Variants in IRS2 observed in about 807,000 individuals in gnomAD.
IRS2 encodes the protein insulin receptor substrate 2.
A neutral mutation model predicts 70.9 loss-of-function variants in IRS2; 28 were observed. The observed-to-expected ratio is 0.39, with a 90% confidence interval of 0.29 to 0.54. The LOEUF is 0.54. IRS2 is among the 20% of genes least tolerant of loss of function. IRS2 has a pLI of 0.59. For missense variants in IRS2, 2,081 were observed against 2,024.1 expected (o/e 1.03, Z -0.54); for synonymous variants, 1,217 against 981.9 (o/e 1.24, Z -4.48).
rs1877747105 is a variant in IRS2 at position 109,782,672 on chromosome 13, C to A, written c.3382G>T (p.Asp1128Tyr). The change falls in exon 1 of 2, where the codon GAC (aspartate) becomes TAC (tyrosine). Residue 1128 changes from aspartate (D) to tyrosine (Y), a missense_variant. Physicochemically the swap from Asp to Tyr is radical, Grantham distance 160. Around this residue, in one of 4 missense-constraint regions of IRS2, gnomAD observed 1,615 missense variants for 1,459.5 expected, o/e 1.11. Transcript: ENST00000375856. ...ATGACCTTGGCGCCGCGGTGGGGGT[C>A]CGGGGGCTGGCTGGCCTGCAGGAAG... ...EAFLQASQPP[D>Y]PHRGAKVIRA... The A allele has an allele frequency of 6.4e-7, 1 of 1,573,052 alleles. No individual in the cohort carries two copies. Among genetic ancestry groups the A allele is most frequent in the Non-Finnish European group, 8.6e-7 (1 of 1,161,064 alleles).
Position 109,784,764 on chromosome 13 carries a change from G to A in IRS2, c.1290C>T (p.Ser430=), listed in dbSNP as rs1290358781. Residue 430 remains serine (S), a synonymous_variant, in exon 1 of 2, where the codon TCC becomes TCT. Transcript: ENST00000375856. The surrounding 1 kb of genome is among the most constrained non-coding windows in gnomAD (Gnocchi z 5.2). The part of the protein sequence containing the change: ...PAGGALQHSR[S]MSMPVAHSPP... Reference sequence around the variant, plus strand: ...GCGAGTGCGCCACGGGCATGGACATGGAGCGGCTGTGTTGCAGCGCGCCCC... The same window carrying A: ...GCGAGTGCGCCACGGGCATGGACATAGAGCGGCTGTGTTGCAGCGCGCCCC... 8.0e-7 allele frequency: 1 copy of A among 1,248,820 alleles called. No individual in the cohort carries two copies. The highest frequency in any genetic ancestry group is 1.0e-6 in the Non-Finnish European group (1 of 997,832). 77.4% of individuals were successfully genotyped at this position (1,248,820 alleles called of 1,614,324 possible).
At chr13:109,763,969 G>A (rs1329728761) in intron 1 of IRS2, among the ~76,000 whole-genome samples, 1 of 152,110 alleles carries the variant, frequency 6.6e-6, no homozygotes, top group Non-Finnish European at 1.5e-5. Context: ...TAACATCTAT[G>A]TGATATAGGA....
chr13:109,784,858 A>AG lies in IRS2; in HGVS notation c.1195dup (p.Leu399ProfsTer140). 1 of 1,154,514 alleles carries AG rather than the reference A, an allele frequency of 8.7e-7. No individual in the cohort carries two copies. The highest frequency in any genetic ancestry group is 1.1e-6 in the Non-Finnish European group (1 of 932,416). 71.5% of individuals were successfully genotyped at this position (1,154,514 alleles called of 1,614,324 possible). On this transcript the variant is annotated frameshift_variant, in exon 1 of 2. Coordinates refer to ENST00000375856, the MANE Select transcript of IRS2 (RefSeq NM_003749.3). LOFTEE classifies it high-confidence loss of function. The surrounding 1 kb of genome is among the most constrained non-coding windows in gnomAD (Gnocchi z 5.2). ...GCCGCTCAGGGTGTGCGAGCGGCTC[A>AG]GGGGCGCGCGCACCGGCCCGGGGCT... is the stretch of plus-strand genomic sequence containing the variant.
In IRS2 at chr13:109,782,123, G is replaced by A. The variant is rs761038860; in HGVS notation, c.3931C>T (p.Pro1311Ser). Residue 1311 changes from proline to serine, a missense_variant, in exon 1 of 2, where the codon CCC becomes TCC. Physicochemically the swap from Pro to Ser is moderately conservative, Grantham distance 74. Coordinates refer to ENST00000375856, the MANE Select transcript of IRS2 (RefSeq NM_003749.3). ...STGGGCGGPGPGALPPANTYA... is the reference protein window; with the variant it reads ...STGGGCGGPGSGALPPANTYA... ...GTGTTGGCAGGGGGCAGGGCACCGG[G>A]ACCCGGCCCCCCGCACCCGCCGCCG... The A allele has an allele frequency of 6.8e-6, 11 of 1,609,640 alleles. No individual in the cohort carries two copies. Among genetic ancestry groups the A allele is most frequent in the Non-Finnish European group, 8.5e-6 (10 of 1,178,674 alleles).
intron 1 of IRS2, among the ~76,000 whole-genome samples, chr13:109,762,159 G>C (rs1033309881): frequency 1.3e-5 from 2 of 152,136 alleles, no homozygotes; most frequent in Admixed American, 6.5e-5. Flanking sequence ...TCTTTTCTGA[G>C]TGTTATTGTT....
chr13:109,772,987 G>A lies in IRS2; in HGVS notation c.4012+9055C>T, dbSNP rs111838998. On this transcript the variant is annotated intron_variant, in intron 1 of 1. Transcript: ENST00000375856. ...TGGGATTACAGGCGTGAGCCACCGC[G>A]CCCGGCCGCCTATTACATTTTTTAA... 1.2e-4 allele frequency among the ~76,000 whole-genome samples: 18 copies of A among 152,132 alleles called. 1 individual carries two copies. Among genetic ancestry groups the A allele is most frequent in the African/African-American group, 3.6e-4 (15 of 41,500 alleles).
rs1877916175 is a variant in IRS2 at position 109,786,096 on chromosome 13, G to A, written c.-43C>T. 3 of 1,010,568 alleles carry A rather than the reference G, an allele frequency of 3.0e-6. No homozygotes were observed. Among genetic ancestry groups the A allele is most frequent in the Non-Finnish European group, 3.5e-6 (3 of 849,706 alleles). 62.6% of individuals were successfully genotyped at this position (1,010,568 alleles called of 1,614,324 possible). On this transcript the variant is annotated 5_prime_UTR_variant, in exon 1 of 2. Coordinates refer to ENST00000375856, the MANE Select transcript of IRS2 (RefSeq NM_003749.3). The surrounding 1 kb of genome is among the most constrained non-coding windows in gnomAD (Gnocchi z 4.4). Reference sequence around the variant, plus strand: ...GCGCGGCCCGGGCCCGGCGCCCAGGGGTTGGGGCGAGGGGCGGAGGGGGCG... The same window carrying A: ...GCGCGGCCCGGGCCCGGCGCCCAGGAGTTGGGGCGAGGGGCGGAGGGGGCG...
chr13:109,775,719 C>A (rs902117260), intron 1 of IRS2, among the ~76,000 whole-genome samples: 2 of 149,828 alleles, frequency 1.3e-5, no homozygotes, highest in Non-Finnish European at 3.0e-5. Flanking sequence ...TCATATCCAG[C>A]CTCCTGGAGC....
At chr13:109,757,209 T>C (rs148828921) in intron 1 of IRS2, among the ~76,000 whole-genome samples, 4 of 152,326 alleles carry the variant, frequency 2.6e-5, no homozygotes, top group African/African-American at 9.6e-5. Context: ...CAGCGTGCTG[T>C]TTTCTTCTTT....
At position 109,755,346 on chromosome 13, in the gene IRS2, C is replaced by T. The variant is rs565173086; in HGVS notation, c.*958G>A. On this transcript the variant is annotated 3_prime_UTR_variant, in exon 2 of 2. Transcript: ENST00000375856. ...CCGGACCACCCTGGAATTGCTAGCA[C>T]GCCTACAGGGATTTTTGGTTACAGA... 79 of 226,908 alleles carry T rather than the reference C, an allele frequency of 3.5e-4. 1 individual carries two copies. Among genetic ancestry groups the T allele is most frequent in the Non-Finnish European group, 5.0e-4 (57 of 114,324 alleles). The allele number at this position is 226,908 out of a possible 1,614,324, so 14.1% of individuals were successfully genotyped here. A position where few individuals can be genotyped will look rare whatever the true frequency, so the allele number is the denominator to read the frequency against.
chr13:109,752,955 TTCTTC>T lies in IRS2; in HGVS notation c.*3344_*3348del, dbSNP rs1352523040. On this transcript the variant is annotated 3_prime_UTR_variant, in exon 2 of 2. Coordinates refer to ENST00000375856, the MANE Select transcript of IRS2 (RefSeq NM_003749.3). ...TGTTTGTGTCATGGAGGCAGCATTC[TTCTTC>T]TTTTTTTTTTTTTTTTTTGAGACGG... is the stretch of plus-strand genomic sequence containing the variant. 1 of 98,164 alleles carries T rather than the reference TTCTTC, an allele frequency of 1.0e-5. No individual in the cohort carries two copies. The highest frequency in any genetic ancestry group is 2.1e-5 in the Non-Finnish European group (1 of 47,270). The allele number at this position is 98,164 out of a possible 1,614,324, so 6.1% of individuals were successfully genotyped here. A position where few individuals can be genotyped will look rare whatever the true frequency, so the allele number is the denominator to read the frequency against.
chr13:109,783,525 G>C lies in IRS2; in HGVS notation c.2529C>G (p.Ala843=). The change falls in exon 1 of 2, where the codon GCC becomes GCG. Residue 843 remains alanine, a synonymous_variant. Coordinates refer to ENST00000375856, the MANE Select transcript of IRS2 (RefSeq NM_003749.3). The stretch of plus-strand genomic sequence containing the variant: ...TGGCCGCCTGGCTGGGCCCTGGCGT[G>C]GCCTGAGGCTCCAGACGCTCCTCCT... The part of the protein sequence containing the change: ...ILEEERLEPQ[A]TPGPSQAASA... 1 of 1,548,706 alleles carries C rather than the reference G, an allele frequency of 6.5e-7. No homozygotes were observed. Among genetic ancestry groups the C allele is most frequent in the African/African-American group, 1.4e-5 (1 of 73,144 alleles).
chr13:109,777,282 A>T (rs1877599924), intron 1 of IRS2, among the ~76,000 whole-genome samples: 2 of 152,142 alleles, frequency 1.3e-5, no homozygotes, highest in Non-Finnish European at 2.9e-5. Flanking sequence ...AACAAACAAA[A>T]ACCCTTTCTA....
chr13:109,765,797 A>G (rs111277264), intron 1 of IRS2, among the ~76,000 whole-genome samples: 41 of 56,492 alleles, frequency 7.3e-4, no homozygotes, highest in African/African-American at 1.5e-3. Flanking sequence ...CCGACTCCCC[A>G]CCAAGCATGT....
intron 1 of IRS2, among the ~76,000 whole-genome samples, chr13:109,763,284 G>C (rs1205163814): frequency 1.3e-5 from 2 of 152,198 alleles, no homozygotes; most frequent in Admixed American, 6.5e-5. Context: ...TTATCTGCAA[G>C]CTTACGTACT....
chr13:109,784,815 C>T lies in IRS2; in HGVS notation c.1239G>A (p.Gly413=). 23 of 1,268,492 alleles carry T rather than the reference C, an allele frequency of 1.8e-5. No homozygotes were observed. Among genetic ancestry groups the T allele is most frequent in the Non-Finnish European group, 2.2e-5 (22 of 999,266 alleles). The allele number at this position is 1,268,492 out of a possible 1,614,324, so 78.6% of individuals were successfully genotyped here. A position where few individuals can be genotyped will look rare whatever the true frequency, so the allele number is the denominator to read the frequency against. ...HTLSGGCGGR[G]SKVALLPAGG... ...CTGCCGGCAGCAGCGCCACCTTGCT[C>T]CCGCGGCCGCCGCAGCCGCCGCTCA... The change falls in exon 1 of 2, where the codon GGG becomes GGA. Residue 413 remains glycine, a synonymous_variant. Transcript: ENST00000375856. The surrounding 1 kb of genome is among the most constrained non-coding windows in gnomAD (Gnocchi z 5.2).
chr13:109,772,735 CCGGACTG>C (rs564030777), intron 1 of IRS2, among the ~76,000 whole-genome samples: 4 of 144,432 alleles, frequency 2.8e-5, no homozygotes, highest in Non-Finnish European at 6.1e-5. Context: ...GTCGGCCAGG[CCGGACTG>C]CGGACTGCAG....
Position 109,782,955 on chromosome 13 carries a change from TGGCGGC to T in IRS2, c.3093_3098del (p.Pro1035_Pro1036del), listed in dbSNP as rs750598221. ...ACAGCTCCCCCGGGGCCGGCGGCGG[TGGCGGC>T]GGCTGCAGAGACGACGACGGGGACG... On this transcript the variant is annotated inframe_deletion, in exon 1 of 2. Coordinates refer to ENST00000375856, the MANE Select transcript of IRS2 (RefSeq NM_003749.3). The T allele has an allele frequency of 1.4e-6, 2 of 1,423,484 alleles. No homozygotes were observed. The highest frequency in any genetic ancestry group is 1.6e-5 in the South Asian group (1 of 64,324). The allele number at this position is 1,423,484 out of a possible 1,614,324, so 88.2% of individuals were successfully genotyped here. A position where few individuals can be genotyped will look rare whatever the true frequency, so the allele number is the denominator to read the frequency against.
At position 109,784,870 on chromosome 13, in the gene IRS2, A is replaced by G. The variant is rs1046325472; in HGVS notation, c.1184T>C (p.Val395Ala). 8.0e-6 allele frequency: 9 copies of G among 1,129,802 alleles called. No homozygotes were observed. In the African/African-American group the frequency reaches 1.5e-4, roughly 19 times the overall value. The allele number at this position is 1,129,802 out of a possible 1,614,324, so 70.0% of individuals were successfully genotyped here. Residue 395 changes from valine (V) to alanine (A), a missense_variant, in exon 1 of 2, where the codon GTG (valine) becomes GCG (alanine). Physicochemically the swap from Val to Ala is moderately conservative, Grantham distance 64. Coordinates refer to ENST00000375856, the MANE Select transcript of IRS2 (RefSeq NM_003749.3). The surrounding 1 kb of genome is among the most constrained non-coding windows in gnomAD (Gnocchi z 5.2). ...GTGCGAGCGGCTCAGGGGCGCGCGC[A>G]CCGGCCCGGGGCTCAGGGGGCTCCC... ...VAGSPLSPGP[V>A]RAPLSRSHTL...
Sources: allele counts gnomAD v4.1 joint callset (sites outside exome capture counted in the v4.1 genomes callset), GRCh38; gene constraint gnomAD v4.1.1; regional missense constraint gnomAD v4.1.1; non-coding constraint Gnocchi (gnomAD v3.1); transcripts MANE v1.5; gene names NCBI Gene and HGNC (gene_info 2026-07-23, HGNC 2026-07-21).